UBR3: variants seen among roughly 807,000 people sequenced by gnomAD.
UBR3 encodes E3 ubiquitin-protein ligase UBR3.
Under a neutral mutation model 243.2 loss-of-function variants are expected in UBR3, and 85 were observed. The ratio of observed to expected loss-of-function variants is 0.35; its 90% CI spans 0.29 to 0.42. The LOEUF is 0.42. Among genes scored for constraint, UBR3 ranks in the 10% least tolerant of loss-of-function variants. UBR3 has a pLI of 1.00. For synonymous variants in UBR3, 748 were observed against 799.8 expected (o/e 0.94, Z 1.09); for missense variants, 1,686 against 2,300.8 (o/e 0.73, Z 5.47).
intron 18 of UBR3, among the ~76,000 whole-genome samples, chr2:169,930,535 C>T (rs999703729): frequency 6.6e-6 from 1 of 151,992 alleles, no homozygotes. Flanking sequence ...CATAGACACC[C>T]ACCACCATGC....
chr2:169,947,002 A>G (rs1279500999), intron 21 of UBR3, among the ~76,000 whole-genome samples: 1 of 152,150 alleles, frequency 6.6e-6, no homozygotes, highest in Non-Finnish European at 1.5e-5. Flanking sequence ...ACTAATGTGT[A>G]AGATTCTCCT....
intron 1 of UBR3, among the ~76,000 whole-genome samples, chr2:169,861,885 G>GTATAC (rs2105302859): frequency 6.6e-6 from 1 of 152,192 alleles, no homozygotes; most frequent in South Asian, 2.1e-4. Context: ...TTATTATCAA[G>GTATAC]GTATAAGATG....
chr2:169,872,342 A>C lies in UBR3; in HGVS notation c.652A>C (p.Ile218Leu), dbSNP rs1374576368. 6.6e-7 allele frequency: 1 copy of C among 1,507,208 alleles called. No individual in the cohort carries two copies. The highest frequency in any genetic ancestry group is 2.5e-5 in the East Asian group (1 of 40,036). 93.4% of individuals were successfully genotyped at this position (1,507,208 alleles called of 1,614,324 possible). A position where few individuals can be genotyped will look rare whatever the true frequency, so the allele number is the denominator to read the frequency against. ...TCTTCCAAGATTTATATTTTGTCTT[A>C]TTCAGTACTTAAGAGAAGGCTATAA... is the stretch of plus-strand genomic sequence containing the variant. ...FVLPRFIFCL[I>L]QYLREGYNEP... Residue 218 changes from isoleucine (I) to leucine (L), a missense_variant, in exon 2 of 39, where the codon ATT becomes CTT. By Grantham distance (5) the Ile-to-Leu change is conservative (BLOSUM62 2). This residue lies in a region of UBR3 where 200 missense variants were observed against 231.6 expected (regional missense o/e 0.86). Coordinates refer to ENST00000272793, the MANE Select transcript of UBR3 (RefSeq NM_172070.4).
At chr2:169,925,496 A>T in intron 13 of UBR3, 123 bp from the exon 14 acceptor site, 1 of 872,088 alleles carries the variant, frequency 1.1e-6, no homozygotes. Context: ...TATCTTTAAC[A>T]TTGGACAGAA....
intron 1 of UBR3, among the ~76,000 whole-genome samples, chr2:169,854,075 G>T (rs1194599056): frequency 1.3e-5 from 2 of 151,924 alleles, no homozygotes; most frequent in African/African-American, 2.4e-5. Context: ...TGCATGCGGG[G>T]CTTAAAACCT....
chr2:169,861,628 A>C (rs190034423), intron 1 of UBR3, among the ~76,000 whole-genome samples: 62 of 151,604 alleles, frequency 4.1e-4, no homozygotes, highest in Non-Finnish European at 8.0e-4. Flanking sequence ...AAAAGAAAAG[A>C]AAAAGAAAAG....
intron 35 of UBR3, among the ~76,000 whole-genome samples, chr2:170,072,437 G>T (rs938550256): frequency 6.6e-6 from 1 of 151,376 alleles, no homozygotes; most frequent in Non-Finnish European, 1.5e-5. Flanking sequence ...TAGCGGGAGG[G>T]GGGAGGGATA....
intron 11 of UBR3, among the ~76,000 whole-genome samples, chr2:169,914,594 T>C (rs1195376073): frequency 6.6e-6 from 1 of 152,190 alleles, no homozygotes; most frequent in Non-Finnish European, 1.5e-5. Flanking sequence ...TGATTAGTGT[T>C]AATAATGAGA....
In UBR3 at chr2:169,990,136, T is replaced by C. The variant is rs76830072; in HGVS notation, c.3784+3342T>C. 5.8e-3 allele frequency among the ~76,000 whole-genome samples: 877 copies of C among 152,326 alleles called. 7 individuals carry two copies. The highest frequency in any genetic ancestry group is 0.02 in the African/African-American group (828 of 41,580). ...CTTTATTGCCATGTTCTTCAAACCA[T>C]GTATTAAAGAAAAGTCTCATGCTTT... On this transcript the variant is annotated intron_variant, in intron 25 of 38. Coordinates refer to ENST00000272793, the MANE Select transcript of UBR3 (RefSeq NM_172070.4).
chr2:169,936,368 A>AT (rs1284464769), intron 19 of UBR3, among the ~76,000 whole-genome samples: 2 of 152,038 alleles, frequency 1.3e-5, no homozygotes, highest in East Asian at 1.9e-4. Flanking sequence ...CCAGAAACCA[A>AT]TTTTTTTAAA....
chr2:169,875,960 T>C lies in UBR3; in HGVS notation c.844+11T>C. 2 of 1,481,896 alleles carry C rather than the reference T, an allele frequency of 1.3e-6. No individual in the cohort carries two copies. Among genetic ancestry groups the C allele is most frequent in the Non-Finnish European group, 1.8e-6 (2 of 1,118,542 alleles). The allele number at this position is 1,481,896 out of a possible 1,614,324, so 91.8% of individuals were successfully genotyped here. A position where few individuals can be genotyped will look rare whatever the true frequency, so the allele number is the denominator to read the frequency against. On this transcript the variant is annotated intron_variant, in intron 3 of 38. Transcript: ENST00000272793. The stretch of plus-strand genomic sequence containing the variant: ...AAGATCTGACTTCTGGTGAGTAAAA[T>C]GTTAGAAGAAATTTATAGTTTTCAT...
chr2:170,041,959 A>G (rs968373090), intron 32 of UBR3, among the ~76,000 whole-genome samples: 2 of 152,208 alleles, frequency 1.3e-5, no homozygotes, highest in Middle Eastern at 3.4e-3. Context: ...TGAAATTCAC[A>G]TAAAATAAAA....
At chr2:169,928,664 C>T in intron 17 of UBR3, 63 bp from the exon 18 acceptor site, 1 of 1,322,268 alleles carries the variant, frequency 7.6e-7, no homozygotes. Flanking sequence ...AACTAGAGTA[C>T]CTTGGAAAGG....
chr2:170,081,146 G>A (rs553100448), intron 38 of UBR3, among the ~76,000 whole-genome samples: 11 of 152,272 alleles, frequency 7.2e-5, no homozygotes, highest in Admixed American at 3.9e-4. Context: ...AGCTGTGATC[G>A]TGCCACTGCA....
chr2:169,860,534 G>A (rs1015456020), intron 1 of UBR3, among the ~76,000 whole-genome samples: 3 of 151,846 alleles, frequency 2.0e-5, no homozygotes, highest in African/African-American at 7.3e-5. Context: ...AGTAAATTTG[G>A]TCCTTGCTAC....
intron 25 of UBR3, among the ~76,000 whole-genome samples, chr2:169,993,298 C>A (rs192080383): frequency 6.6e-6 from 1 of 152,284 alleles, no homozygotes; most frequent in Non-Finnish European, 1.5e-5. Context: ...GTATATACCA[C>A]TTTACCATTA....
chr2:169,927,245 A>T, intron 16 of UBR3, 75 bp from the exon 17 acceptor site: 1 of 1,338,290 alleles, frequency 7.5e-7, no homozygotes. Flanking sequence ...ACAGCTTAGT[A>T]AAAAGTGTGG....
At chr2:169,840,843 G>A (rs2105283972) in intron 1 of UBR3, among the ~76,000 whole-genome samples, 1 of 152,278 alleles carries the variant, frequency 6.6e-6, no homozygotes, top group East Asian at 1.9e-4. Context: ...GGCAGCCTTA[G>A]CAGCATCTGG....
chr2:169,955,917 C>T (rs1339761493), intron 23 of UBR3, among the ~76,000 whole-genome samples: 1 of 151,136 alleles, frequency 6.6e-6, no homozygotes, highest in Non-Finnish European at 1.5e-5. Context: ...TGTGTTTATT[C>T]TAATGAAGTA....
Sources: gnomAD v4.1 joint callset for allele counts (sites outside exome capture counted in the v4.1 genomes callset) on GRCh38, gnomAD v4.1.1 for gene constraint, gnomAD v4.1.1 regional missense constraint, MANE v1.5 for transcripts, NCBI Gene and HGNC (gene_info 2026-07-23, HGNC 2026-07-21) for gene names.